The following HIVEP1 variants were observed in gnomAD, a reference collection of about 807,000 sequenced individuals.
HIVEP1 encodes the protein zinc finger protein 40.
In HIVEP1, 36 loss-of-function variants were observed where a neutral mutation model predicts 180.0. That is an observed-to-expected ratio of 0.20 (90% confidence interval 0.15 to 0.26). HIVEP1 has a LOEUF of 0.26. Ranked by LOEUF, HIVEP1 falls within the 10% of genes least tolerant of loss-of-function variation. HIVEP1 has a pLI of 1.00. For missense variants in HIVEP1, 3,143 were observed against 3,268.7 expected, an observed-to-expected ratio of 0.96 and a Z score of 0.94; for synonymous variants, 1,239 against 1,239.0, an observed-to-expected ratio of 1.00 and a Z score of 0.00.
rs1362642902 is a variant in HIVEP1 at position 12,135,893 on chromosome 6, G to T, written c.6487+1G>T. ...GATGAACAGGATACAGAAGAATCAG[G>T]TAAGGCTTTATACCATATTTTTCAT... is the stretch of plus-strand genomic sequence containing the variant. On this transcript the variant is annotated splice_donor_variant, in intron 7 of 8. Transcript: ENST00000379388. LOFTEE classifies it high-confidence loss of function. The T allele has an allele frequency of 6.3e-7, 1 of 1,581,990 alleles. No homozygotes were observed. Among genetic ancestry groups the T allele is most frequent in the South Asian group, 1.1e-5 (1 of 90,010 alleles).
At chr6:12,049,182 T>C (rs1488964664) in intron 2 of HIVEP1, among the ~76,000 whole-genome samples, 31 of 152,040 alleles carry the variant, frequency 2.0e-4, no homozygotes, top group Admixed American at 2.0e-3. Context: ...TTGAAACAGG[T>C]GCTAATATGT....
chr6:12,159,686 G>T (rs1296374111), intron 7 of HIVEP1, among the ~76,000 whole-genome samples: 1 of 152,108 alleles, frequency 6.6e-6, no homozygotes, highest in African/African-American at 2.4e-5. Flanking sequence ...TCCAGCATAG[G>T]CCCCTAGAGC....
In HIVEP1 at chr6:12,141,268, CTA is replaced by C. The variant is rs550752846; in HGVS notation, c.6487+5377_6487+5378del. On this transcript the variant is annotated intron_variant, in intron 7 of 8. Coordinates refer to ENST00000379388, the MANE Select transcript of HIVEP1 (RefSeq NM_002114.4). ...ACCCAGAATTTCATATCTAGCCAAA[CTA>C]AGCCTCATAAGTGAAGGAGAAAAAA... 5.8e-3 allele frequency among the ~76,000 whole-genome samples: 887 copies of C among 152,130 alleles called. 7 individuals carry two copies. The highest frequency in any genetic ancestry group is 0.02 in the African/African-American group (849 of 41,506).
At chr6:12,025,000 C>G (rs1039478429) in intron 2 of HIVEP1, among the ~76,000 whole-genome samples, 3 of 152,216 alleles carry the variant, frequency 2.0e-5, no homozygotes, top group African/African-American at 4.8e-5. Context: ...CAGGTCTCTA[C>G]TAGGCTCTGT....
At chr6:12,202,487 A>G in the HIVEP1 span, among the ~76,000 whole-genome samples, 3 of 152,100 alleles carry the variant, frequency 2.0e-5, no homozygotes, top group South Asian at 4.1e-4. Context: ...TTTGGAATGC[A>G]TTTCTGATTT....
intron 2 of HIVEP1, among the ~76,000 whole-genome samples, chr6:12,022,000 A>G (rs931682383): frequency 1.3e-5 from 2 of 152,122 alleles, no homozygotes; most frequent in African/African-American, 4.8e-5. Flanking sequence ...TAGAGGGTTG[A>G]GATGATTTAT....
intron 3 of HIVEP1, among the ~76,000 whole-genome samples, chr6:12,092,131 C>T (rs918377508): frequency 1.3e-5 from 2 of 152,072 alleles, no homozygotes; most frequent in Non-Finnish European, 2.9e-5. Context: ...GGAATGTTGC[C>T]AGTACCATTG....
At chr6:12,107,995 CAG>C (rs1198745039) in intron 3 of HIVEP1, among the ~76,000 whole-genome samples, 1 of 152,128 alleles carries the variant, frequency 6.6e-6, no homozygotes, top group African/African-American at 2.4e-5. Context: ...TAGCTAGATA[CAG>C]AGTGTCAATT....
At chr6:12,154,324 C>T (rs979990711) in intron 7 of HIVEP1, among the ~76,000 whole-genome samples, 4 of 152,166 alleles carry the variant, frequency 2.6e-5, no homozygotes, top group Admixed American at 6.5e-5. Flanking sequence ...TTTAAAATTA[C>T]GTGCAGCGTG....
chr6:12,206,484 AAG>A, the HIVEP1 span, among the ~76,000 whole-genome samples: 131 of 152,168 alleles, frequency 8.6e-4, 1 homozygote, highest in African/African-American at 3.1e-3. Flanking sequence ...GAGACAGAGA[AAG>A]AGAGAGAGAA....
intron 2 of HIVEP1, among the ~76,000 whole-genome samples, chr6:12,032,298 C>T (rs1459935504): frequency 6.6e-6 from 1 of 151,856 alleles, no homozygotes; most frequent in African/African-American, 2.4e-5. Flanking sequence ...GCCACCATGC[C>T]CGGCTAATTT....
At chr6:12,047,424 T>C (rs1473333913) in intron 2 of HIVEP1, among the ~76,000 whole-genome samples, 8 of 152,172 alleles carry the variant, frequency 5.3e-5, no homozygotes, top group Admixed American at 1.3e-4. Context: ...TGAAATGGTG[T>C]TTTCGGAAGG....
chr6:12,095,861 CTG>C lies in HIVEP1; in HGVS notation c.94+6628_94+6629del, dbSNP rs1773754767. On this transcript the variant is annotated intron_variant, in intron 3 of 8. Transcript: ENST00000379388. The stretch of plus-strand genomic sequence containing the variant: ...ATTCCCTGGTATAACTAGATAAGAT[CTG>C]TGTTATAGTGATAGTTGAATTTCTG... Among the ~76,000 whole-genome samples, 5 of 152,004 alleles carry C rather than the reference CTG, an allele frequency of 3.3e-5. No individual in the cohort carries two copies. The South Asian group carries it at 1.0e-3, about 32-fold the overall frequency.
At chr6:12,190,296 A>T in the HIVEP1 span, among the ~76,000 whole-genome samples, 1 of 152,234 alleles carries the variant, frequency 6.6e-6, no homozygotes, top group Non-Finnish European at 1.5e-5. Context: ...AAGTTGAATA[A>T]GCGGGTAGAA....
downstream of HIVEP1, among the ~76,000 whole-genome samples, chr6:12,168,445 A>C (rs955928765): frequency 6.9e-6 from 1 of 145,262 alleles, no homozygotes; most frequent in Non-Finnish European, 1.5e-5. Flanking sequence ...TCTCATTACC[A>C]AGTGGGGAAA....
the HIVEP1 span, among the ~76,000 whole-genome samples, chr6:12,199,895 C>T: frequency 6.6e-6 from 1 of 152,090 alleles, no homozygotes; most frequent in Non-Finnish European, 1.5e-5. Context: ...CTGGGTGCTG[C>T]CCTGTCTGTG....
At chr6:12,207,742 AAAT>A in the HIVEP1 span, among the ~76,000 whole-genome samples, 109 of 138,178 alleles carry the variant, frequency 7.9e-4, 1 homozygote, top group African/African-American at 2.8e-3. Context: ...AGTCTCTACA[AAAT>A]AATAATAATA....
chr6:12,054,037 T>C (rs1770707633), intron 2 of HIVEP1, among the ~76,000 whole-genome samples: 1 of 152,246 alleles, frequency 6.6e-6, no homozygotes, highest in Non-Finnish European at 1.5e-5. Context: ...TCAAATAGTC[T>C]GTCATATTTG....
At chr6:12,203,195 T>A in the HIVEP1 span, among the ~76,000 whole-genome samples, 1 of 152,192 alleles carries the variant, frequency 6.6e-6, no homozygotes, top group Non-Finnish European at 1.5e-5. Context: ...AAAACAGCAC[T>A]GTGGCAGCTG....
Sources: gnomAD v4.1 joint callset for allele counts (sites outside exome capture counted in the v4.1 genomes callset) on GRCh38, gnomAD v4.1.1 for gene constraint, MANE v1.5 for transcripts, NCBI Gene and HGNC (gene_info 2026-07-23, HGNC 2026-07-21) for gene names.